The following GMPPA variants were observed in gnomAD, a reference collection of about 807,000 sequenced individuals.
GMPPA encodes the protein mannose-1-phosphate guanylyltransferase regulatory subunit alpha.
A neutral mutation model predicts 58.6 loss-of-function variants in GMPPA; 46 were observed. The observed-to-expected ratio is 0.78, with a 90% CI of 0.62 to 1.00. The LOEUF is 1.00. Ranked by LOEUF, GMPPA falls within the 50% of genes least tolerant of loss-of-function variation. The pLI is 0.00. For missense variants in GMPPA, 468 were observed against 556.4 expected, an observed-to-expected ratio of 0.84 and a Z score of 1.60; for synonymous variants, 211 against 214.9, an observed-to-expected ratio of 0.98 and a Z score of 0.16.
At chr2:219,505,640 A>G (rs1005620276) in intron 9 of GMPPA, 75 bp from the exon 10 acceptor site, 6 of 1,585,210 alleles carry the variant, frequency 3.8e-6, no homozygotes, top group Non-Finnish European at 5.2e-6. Flanking sequence ...CCAGAGTTAA[A>G]GCCTCAATCC....
At chr2:219,500,512 CTT>C (rs910845870) in intron 3 of GMPPA, 15 of 452,058 alleles carry the variant, frequency 3.3e-5, no homozygotes, top group Middle Eastern at 5.9e-4. Context: ...CATGGAGACT[CTT>C]AATGATAACC....
At chr2:219,501,343 A>G (rs2125627937) in intron 3 of GMPPA, 133 bp from the exon 4 acceptor site, 1 of 671,678 alleles carries the variant, frequency 1.5e-6, no homozygotes. Flanking sequence ...AAAATAGCCC[A>G]GAGTGGTGAG....
At chr2:219,506,601 G>A in intron 12 of GMPPA, 97 bp from the exon 13 acceptor site, 2 of 950,526 alleles carry the variant, frequency 2.1e-6, no homozygotes, top group South Asian at 2.9e-5. Context: ...GGGCACAGAT[G>A]GGCAGGAGGG....
intron 7 of GMPPA, chr2:219,504,957 TG>T (rs1559447969): frequency 1.1e-6 from 1 of 934,940 alleles, no homozygotes; most frequent in Non-Finnish European, 1.4e-6. Flanking sequence ...AATGTGAAAA[TG>T]GGGGGAACTC....
chr2:219,500,236 CCT>C lies in GMPPA; in HGVS notation c.138+24_138+25del, dbSNP rs1322084999. On this transcript the variant is annotated intron_variant, in intron 3 of 12. Coordinates refer to ENST00000313597, the MANE Select transcript of GMPPA (RefSeq NM_013335.4). ...GTGCCCAGGTAACCTCAGGGGCTCCCCTCTCTCACCTCACTTCCTGCTTATCT... is the reference window on the plus strand; with the variant it reads ...GTGCCCAGGTAACCTCAGGGGCTCCCCTCTCACCTCACTTCCTGCTTATCT... The C allele has an allele frequency of 3.1e-6, 4 of 1,271,440 alleles. No individual in the cohort carries two copies. In the African/African-American group the frequency reaches 5.9e-5, roughly 19 times the overall value. The allele number at this position is 1,271,440 out of a possible 1,614,324, so 78.8% of individuals were successfully genotyped here.
At chr2:219,506,611 GCTCC>G (rs1158377379) in intron 12 of GMPPA, 83 bp from the exon 13 acceptor site, 1 of 980,338 alleles carries the variant, frequency 1.0e-6, no homozygotes, top group Non-Finnish European at 1.6e-6. Context: ...GGGCAGGAGG[GCTCC>G]CTCCCTGCTG....
intron 9 of GMPPA, 53 bp downstream of exon 9, chr2:219,505,608 A>C (rs770772480): frequency 1.3e-6 from 2 of 1,577,416 alleles, no homozygotes; most frequent in South Asian, 2.3e-5. Context: ...AGCCCTCTGA[A>C]CCAGGATTCT....
intron 3 of GMPPA, 109 bp from the exon 4 acceptor site, chr2:219,501,367 C>A: frequency 2.7e-6 from 2 of 743,012 alleles, no homozygotes; most frequent in South Asian, 1.6e-5. Context: ...CCTGGGGCCC[C>A]ACAGCTGAGA....
Position 219,502,383 on chromosome 2 carries a change from C to A in GMPPA, c.431C>A (p.Ala144Asp). The A allele has an allele frequency of 6.2e-7, 1 of 1,613,776 alleles. No homozygotes were observed. The highest frequency in any genetic ancestry group is 1.1e-5 in the South Asian group (1 of 91,072). Reference protein sequence around the residue: ...RHPFLLLGTTANRTQSLNYGC... With the variant: ...RHPFLLLGTTDNRTQSLNYGC... ...GTCTCGGGTGTGTCTGTCTTTCAGGCTAACAGGACGCAATCCCTCAACTAC... is the reference window on the plus strand; with the variant it reads ...GTCTCGGGTGTGTCTGTCTTTCAGGATAACAGGACGCAATCCCTCAACTAC... Residue 144 changes from alanine to aspartate, a missense_variant and splice_region_variant, in exon 6 of 13, where the codon GCT becomes GAT. Coordinates refer to ENST00000313597, the MANE Select transcript of GMPPA (RefSeq NM_013335.4). The surrounding 1 kb of genome is among the most constrained non-coding windows in gnomAD (Gnocchi z 4.0).
chr2:219,506,772 A>G lies in GMPPA; in HGVS notation c.1237A>G (p.Ser413Gly). The change falls in exon 13 of 13, where the codon AGC becomes GGC. Residue 413 changes from serine (S) to glycine (G), a missense_variant. By Grantham distance (56) the Ser-to-Gly change is moderately conservative. Coordinates refer to ENST00000313597, the MANE Select transcript of GMPPA (RefSeq NM_013335.4). ...IVLPHKELSRSFTNQIIL is the reference protein window; with the variant it reads ...IVLPHKELSRGFTNQIIL ...TCTGCCACACAAGGAGCTGAGCCGA[A>G]GCTTCACCAACCAGATCATCCTCTG... The G allele has an allele frequency of 6.3e-7, 1 of 1,582,318 alleles. No homozygotes were observed. Among genetic ancestry groups the G allele is most frequent in the Non-Finnish European group, 8.7e-7 (1 of 1,151,070 alleles).
At chr2:219,503,187 C>T (rs1694459548) in intron 6 of GMPPA, among the ~76,000 whole-genome samples, 1 of 150,988 alleles carries the variant, frequency 6.6e-6, no homozygotes, top group South Asian at 2.1e-4. Flanking sequence ...GGCTGGAGTG[C>T]AGTGGTGCGA....
At chr2:219,499,700 G>C in intron 1 of GMPPA, 1 of 564,734 alleles carries the variant, frequency 1.8e-6, no homozygotes. Context: ...GGACTATATT[G>C]AGCTTTGGGT....
chr2:219,502,696 A>G lies in GMPPA; in HGVS notation c.489+255A>G, dbSNP rs1694444096. Among the ~76,000 whole-genome samples, 1 of 152,084 alleles carries G rather than the reference A, an allele frequency of 6.6e-6. No individual in the cohort carries two copies. The highest frequency in any genetic ancestry group is 6.5e-5 in the Admixed American group (1 of 15,278). On this transcript the variant is annotated intron_variant, in intron 6 of 12. Coordinates refer to ENST00000313597, the MANE Select transcript of GMPPA (RefSeq NM_013335.4). The surrounding 1 kb of genome is among the most constrained non-coding windows in gnomAD (Gnocchi z 4.0). Reference sequence around the variant, plus strand: ...TGATGGGAACACCAAGGGGGCCCCAACCCAGCCTTGCTGGGGTGGGAGTAG... The same window carrying G: ...TGATGGGAACACCAAGGGGGCCCCAGCCCAGCCTTGCTGGGGTGGGAGTAG...
chr2:219,506,560 C>A, intron 12 of GMPPA, 138 bp downstream of exon 12: 1 of 1,033,152 alleles, frequency 9.7e-7, no homozygotes. Flanking sequence ...TGTGCCAGGC[C>A]CTGTGTGAGT....
At chr2:219,501,623 A>G (rs751736370) in intron 4 of GMPPA, 44 bp downstream of exon 4, 1 of 1,220,166 alleles carries the variant, frequency 8.2e-7, no homozygotes, top group South Asian at 1.2e-5. Flanking sequence ...GGGATGCCCT[A>G]GGCCTCTGAG....
At chr2:219,501,610 G>T (rs753841441) in intron 4 of GMPPA, 31 bp downstream of exon 4, 12 of 1,353,984 alleles carry the variant, frequency 8.9e-6, no homozygotes, top group Middle Eastern at 1.8e-4. Flanking sequence ...ATATGGGGGG[G>T]TGGGGATGCC....
Position 219,502,114 on chromosome 2 carries a change from G to T in GMPPA, c.429+77G>T, listed in dbSNP as rs2125630341. The T allele has an allele frequency of 6.9e-7, 1 of 1,451,916 alleles. No homozygotes were observed. The highest frequency in any genetic ancestry group is 2.3e-5 in the East Asian group (1 of 44,068). 89.9% of individuals were successfully genotyped at this position (1,451,916 alleles called of 1,614,324 possible). A position where few individuals can be genotyped will look rare whatever the true frequency, so the allele number is the denominator to read the frequency against. On this transcript the variant is annotated intron_variant, in intron 5 of 12. Transcript: ENST00000313597. This position sits in a 1 kb window ranked among gnomAD's most constrained non-coding sequence, Gnocchi z 4.0. Reference sequence around the variant, plus strand: ...TCCCGGAATTCAGGGTGTTGGGGAGGCAGGGGCGCCCCGGGAGTTGGTGTG... The same window carrying T: ...TCCCGGAATTCAGGGTGTTGGGGAGTCAGGGGCGCCCCGGGAGTTGGTGTG...
At position 219,506,089 on chromosome 2, in the gene GMPPA, A is replaced by C. The variant is rs1479232049; in HGVS notation, c.993+17A>C. On this transcript the variant is annotated intron_variant, in intron 11 of 12. Coordinates refer to ENST00000313597, the MANE Select transcript of GMPPA (RefSeq NM_013335.4). ...ACTTTGCAGGTAGGTACCAGCATAC[A>C]CAGCAGCATGTGACACCCCAAGAGG... The C allele has an allele frequency of 1.3e-6, 2 of 1,545,624 alleles. No individual in the cohort carries two copies. The highest frequency in any genetic ancestry group is 3.4e-4 in the Middle Eastern group (2 of 5,864).
At chr2:219,500,287 A>G (rs1284428026) in intron 3 of GMPPA, 69 bp downstream of exon 3, 2 of 857,572 alleles carry the variant, frequency 2.3e-6, no homozygotes, top group African/African-American at 3.3e-5. Flanking sequence ...CCCTTTCCCA[A>G]CCATGAACTC....
Sources: allele counts gnomAD v4.1 joint callset (sites outside exome capture counted in the v4.1 genomes callset), GRCh38; gene constraint gnomAD v4.1.1; non-coding constraint Gnocchi (gnomAD v3.1); transcripts MANE v1.5; gene names NCBI Gene and HGNC (gene_info 2026-07-23, HGNC 2026-07-21).